Variants in DPP10 observed in about 807,000 individuals in gnomAD.
The protein encoded by DPP10 is inactive dipeptidyl peptidase 10.
Under a neutral mutation model 120.9 loss-of-function variants are expected in DPP10, and 33 were observed. The observed-to-expected ratio is 0.27, with a 90% CI of 0.21 to 0.37. DPP10 has a LOEUF of 0.37. DPP10 is among the 10% of genes least tolerant of loss of function. The pLI is 1.00. For missense variants in DPP10, 816 were observed against 942.8 expected, an observed-to-expected ratio of 0.87 and a Z score of 1.76; for synonymous variants, 337 against 326.1, an observed-to-expected ratio of 1.03 and a Z score of -0.36.
intron 5 of DPP10, among the ~76,000 whole-genome samples, chr2:115,605,388 T>C (rs1459305603): frequency 6.6e-6 from 1 of 152,128 alleles, no homozygotes; most frequent in African/African-American, 2.4e-5. Flanking sequence ...TCTCTGTAAA[T>C]GATCTTTTTA....
At chr2:115,571,335 G>A (rs956440385) in intron 5 of DPP10, among the ~76,000 whole-genome samples, 2 of 151,982 alleles carry the variant, frequency 1.3e-5, no homozygotes, top group South Asian at 4.1e-4. Flanking sequence ...TGTCACCCAG[G>A]TACTGAACAT....
intron 1 of DPP10, among the ~76,000 whole-genome samples, chr2:114,518,369 T>G (rs1250760478): frequency 6.6e-6 from 1 of 152,158 alleles, no homozygotes; most frequent in Non-Finnish European, 1.5e-5. Flanking sequence ...TGAGCCACCG[T>G]GCAGGGCCTA....
intron 1 of DPP10, among the ~76,000 whole-genome samples, chr2:114,602,445 A>G (rs1161884761): frequency 6.6e-6 from 1 of 152,004 alleles, no homozygotes; most frequent in Non-Finnish European, 1.5e-5. Context: ...ATATTTGGAC[A>G]CAATCACTAC....
At chr2:115,363,861 G>A (rs1255519148) in intron 3 of DPP10, among the ~76,000 whole-genome samples, 6 of 152,154 alleles carry the variant, frequency 3.9e-5, no homozygotes, top group Admixed American at 2.0e-4. Context: ...GCCCATCATC[G>A]GGCCAATAAG....
intron 3 of DPP10, among the ~76,000 whole-genome samples, chr2:115,347,341 C>T (rs987189589): frequency 6.6e-6 from 1 of 152,086 alleles, no homozygotes; most frequent in Admixed American, 6.6e-5. Flanking sequence ...GGCAGAACTC[C>T]CCCGGAAATA....
intron 1 of DPP10, among the ~76,000 whole-genome samples, chr2:114,564,274 T>A (rs1689021276): frequency 6.6e-6 from 1 of 152,090 alleles, no homozygotes; most frequent in South Asian, 2.1e-4. Context: ...CTAGGCCCCT[T>A]CTCTACACAA....
At chr2:115,217,022 T>C (rs2105387805) in intron 1 of DPP10, among the ~76,000 whole-genome samples, 1 of 152,282 alleles carries the variant, frequency 6.6e-6, no homozygotes, top group East Asian at 1.9e-4. Flanking sequence ...TTGTGTGTTT[T>C]AGACTTATCC....
intron 3 of DPP10, among the ~76,000 whole-genome samples, chr2:115,402,637 A>T (rs556089925): frequency 9.5e-4 from 142 of 149,852 alleles, no homozygotes; most frequent in South Asian, 5.9e-3. Flanking sequence ...AGACTGAATC[A>T]GTTTAAAAAA....
rs148190617 is a variant in DPP10 at position 115,073,199 on chromosome 2, A to T, written c.61-236040A>T. Among the ~76,000 whole-genome samples, 870 of 152,392 alleles carry T rather than the reference A, an allele frequency of 5.7e-3. 23 individuals are homozygous for T. The highest frequency in any genetic ancestry group is 0.037 in the Admixed American group (560 of 15,308). ...TCTAAAATTTAATGTTCATGTGTAC[A>T]TGGAATTTAAAGACAAAAGAATACA... On this transcript the variant is annotated intron_variant, in intron 1 of 25. Transcript: ENST00000410059.
At chr2:114,507,077 T>A (rs113771584) in intron 1 of DPP10, among the ~76,000 whole-genome samples, 41 of 149,854 alleles carry the variant, frequency 2.7e-4, no homozygotes, top group Admixed American at 8.6e-4. Context: ...AGACAGGGTC[T>A]CACTCTGTTG....
At chr2:114,961,237 A>G (rs959995669) in intron 1 of DPP10, among the ~76,000 whole-genome samples, 7 of 151,886 alleles carry the variant, frequency 4.6e-5, no homozygotes, top group Admixed American at 4.6e-4. Flanking sequence ...TATTTTTAGT[A>G]GAGACGAGGT....
intron 3 of DPP10, among the ~76,000 whole-genome samples, chr2:115,439,543 C>T (rs1200246484): frequency 6.6e-6 from 1 of 152,132 alleles, no homozygotes; most frequent in East Asian, 1.9e-4. Context: ...CAGAAAACAA[C>T]TTACAAAATA....
chr2:115,802,317 T>A (rs1472579422), intron 19 of DPP10, among the ~76,000 whole-genome samples: 1 of 152,216 alleles, frequency 6.6e-6, no homozygotes, highest in African/African-American at 2.4e-5. Flanking sequence ...ATTTGATTCT[T>A]CTCTCTTTTC....
intron 1 of DPP10, chr2:115,064,633 T>C (rs1182809947): frequency 2.4e-6 from 3 of 1,273,044 alleles, no homozygotes; most frequent in African/African-American, 1.5e-5. Context: ...CCTGTACTTA[T>C]ATGTGAATAG....
intron 3 of DPP10, among the ~76,000 whole-genome samples, chr2:115,392,042 C>T (rs1279744073): frequency 6.6e-6 from 1 of 152,114 alleles, no homozygotes; most frequent in Non-Finnish European, 1.5e-5. Flanking sequence ...TTCTCATCTT[C>T]TCATCTGTAT....
chr2:115,312,859 GACTGTGGA>G, intron 2 of DPP10, among the ~76,000 whole-genome samples: 1 of 152,288 alleles, frequency 6.6e-6, no homozygotes, highest in East Asian at 1.9e-4. Context: ...GGAAGCTTCT[GACTGTGGA>G]AATTCAGCAA....
intron 1 of DPP10, among the ~76,000 whole-genome samples, chr2:115,205,520 T>A (rs1399706691): frequency 6.6e-6 from 1 of 152,114 alleles, no homozygotes; most frequent in Admixed American, 6.6e-5. Context: ...AGCAATGCCA[T>A]TACTTTGTAT....
intron 1 of DPP10, among the ~76,000 whole-genome samples, chr2:114,776,120 G>A (rs1681711882): frequency 6.6e-6 from 1 of 152,158 alleles, no homozygotes; most frequent in Non-Finnish European, 1.5e-5. Context: ...TTTAGATATA[G>A]CTCTAGATAA....
intron 1 of DPP10, among the ~76,000 whole-genome samples, chr2:114,679,848 G>C (rs1698908990): frequency 6.6e-6 from 1 of 151,910 alleles, no homozygotes; most frequent in African/African-American, 2.4e-5. Flanking sequence ...TTCTACTACA[G>C]TACCCTTATG....
Sources: allele counts gnomAD v4.1 joint callset (sites outside exome capture counted in the v4.1 genomes callset), GRCh38; gene constraint gnomAD v4.1.1; transcripts MANE v1.5; gene names NCBI Gene and HGNC (gene_info 2026-07-23, HGNC 2026-07-21).